The following C1QTNF3 variants were observed in gnomAD, a reference collection of about 807,000 sequenced individuals.
C1QTNF3 encodes complement C1q tumor necrosis factor-related protein 3.
A neutral mutation model predicts 32.6 loss-of-function variants in C1QTNF3; 26 were observed. The ratio of observed to expected loss-of-function variants is 0.80; its 90% CI spans 0.58 to 1.11. The LOEUF is 1.11. Among genes scored for constraint, C1QTNF3 ranks in the 50% least tolerant of loss-of-function variants. The pLI is 0.00. For synonymous variants in C1QTNF3, 155 were observed against 146.0 expected, an observed-to-expected ratio of 1.06 and a Z score of -0.44; for missense variants, 362 against 398.2, an observed-to-expected ratio of 0.91 and a Z score of 0.77.
At chr5:34,129,645 C>A in the C1QTNF3 span, among the ~76,000 whole-genome samples, 2 of 151,938 alleles carry the variant, frequency 1.3e-5, no homozygotes, top group African/African-American at 4.8e-5. Flanking sequence ...TATACAGATA[C>A]CTATAATATA....
chr5:34,146,033 A>C, the C1QTNF3 span, among the ~76,000 whole-genome samples: 2 of 152,240 alleles, frequency 1.3e-5, no homozygotes, highest in African/African-American at 4.8e-5. Context: ...ATCTATGGTA[A>C]ACTCACAGCC....
chr5:34,053,521 C>A, the C1QTNF3 span, among the ~76,000 whole-genome samples: 1 of 152,198 alleles, frequency 6.6e-6, no homozygotes, highest in East Asian at 1.9e-4. Flanking sequence ...AATGCTCATG[C>A]TCCATAACTG....
At chr5:34,178,158 G>A in the C1QTNF3 span, among the ~76,000 whole-genome samples, 5 of 146,498 alleles carry the variant, frequency 3.4e-5, no homozygotes, top group Non-Finnish European at 7.5e-5. Flanking sequence ...GTGCATGCCT[G>A]TAATCCAAGC....
chr5:34,202,800 T>A, the C1QTNF3 span, among the ~76,000 whole-genome samples: 4 of 152,174 alleles, frequency 2.6e-5, no homozygotes, highest in Non-Finnish European at 5.9e-5. Context: ...ATACAGTTTT[T>A]TGTTTTTTTT....
the C1QTNF3 span, among the ~76,000 whole-genome samples, chr5:34,141,737 C>A: frequency 6.6e-6 from 1 of 152,178 alleles, no homozygotes; most frequent in Non-Finnish European, 1.5e-5. Flanking sequence ...GGACATATAA[C>A]AAAGAGGGTG....
At chr5:34,233,736 A>G in the C1QTNF3 span, among the ~76,000 whole-genome samples, 2 of 151,972 alleles carry the variant, frequency 1.3e-5, no homozygotes, top group East Asian at 1.9e-4. Context: ...TTTGTTTTGT[A>G]AACCATTATT....
chr5:34,174,148 C>A, the C1QTNF3 span, among the ~76,000 whole-genome samples: 1 of 152,226 alleles, frequency 6.6e-6, no homozygotes, highest in Non-Finnish European at 1.5e-5. Flanking sequence ...GCCTCCGCCT[C>A]CGAGGTTTAA....
the C1QTNF3 span, among the ~76,000 whole-genome samples, chr5:34,132,406 A>AAAAT: frequency 6.3e-5 from 9 of 143,490 alleles, no homozygotes; most frequent in Non-Finnish European, 1.2e-4. Flanking sequence ...CAACAACAAA[A>AAAAT]ATATATATAT....
chr5:34,220,431 CAA>C, the C1QTNF3 span, among the ~76,000 whole-genome samples: 1 of 151,702 alleles, frequency 6.6e-6, no homozygotes, highest in Admixed American at 6.6e-5. Context: ...CAGACAAACC[CAA>C]GTCTTCCAAG....
At chr5:34,053,746 A>G in the C1QTNF3 span, among the ~76,000 whole-genome samples, 1 of 152,226 alleles carries the variant, frequency 6.6e-6, no homozygotes, top group South Asian at 2.1e-4. Context: ...AAATAGAAGT[A>G]ACATGCCCAA....
chr5:34,125,822 A>T, the C1QTNF3 span, among the ~76,000 whole-genome samples: 3 of 152,206 alleles, frequency 2.0e-5, no homozygotes, highest in African/African-American at 7.2e-5. Context: ...TGGTAAACAC[A>T]ATATTTGTTG....
intron 1 of C1QTNF3, among the ~76,000 whole-genome samples, chr5:34,036,496 A>C (rs1232202946): frequency 6.6e-6 from 1 of 152,214 alleles, no homozygotes; most frequent in African/African-American, 2.4e-5. Flanking sequence ...TAGAGAGAGC[A>C]CTTAAAATCT....
At chr5:34,092,162 A>G in the C1QTNF3 span, among the ~76,000 whole-genome samples, 1 of 152,050 alleles carries the variant, frequency 6.6e-6, no homozygotes, top group Admixed American at 6.6e-5. Flanking sequence ...TCTTATAGAT[A>G]TATTATTGTT....
At chr5:34,107,978 T>G in the C1QTNF3 span, among the ~76,000 whole-genome samples, 7 of 152,040 alleles carry the variant, frequency 4.6e-5, no homozygotes, top group African/African-American at 9.7e-5. Context: ...GCTTCTGCTG[T>G]TCTTCTTTCC....
chr5:34,197,128 A>G, the C1QTNF3 span, among the ~76,000 whole-genome samples: 18 of 152,416 alleles, frequency 1.2e-4, no homozygotes, highest in South Asian at 3.5e-3. Context: ...TAAGTTAAGT[A>G]AAACGTTCTT....
At chr5:34,122,361 C>T in the C1QTNF3 span, among the ~76,000 whole-genome samples, 1 of 152,216 alleles carries the variant, frequency 6.6e-6, no homozygotes, top group African/African-American at 2.4e-5. Context: ...AAAGGTCACA[C>T]TGATGAAGTT....
chr5:34,023,555 C>T (rs1006574703), intron 5 of C1QTNF3, among the ~76,000 whole-genome samples: 3 of 152,110 alleles, frequency 2.0e-5, no homozygotes, highest in African/African-American at 7.2e-5. Context: ...TGCCTCTTTG[C>T]CACATTCCAA....
the C1QTNF3 span, among the ~76,000 whole-genome samples, chr5:34,133,604 T>C: frequency 2.6e-5 from 4 of 152,220 alleles, no homozygotes; most frequent in Non-Finnish European, 5.9e-5. Flanking sequence ...ATTTAGTGTC[T>C]AGTTACTAAA....
chr5:34,169,019 A>G, the C1QTNF3 span: 1 of 152,130 alleles, frequency 6.6e-6, no homozygotes, highest in Non-Finnish European at 1.5e-5. Flanking sequence ...TTTGGTCCCT[A>G]TTCCCACCTT....
Sources: allele counts gnomAD v4.1 joint callset (sites outside exome capture counted in the v4.1 genomes callset), GRCh38; gene constraint gnomAD v4.1.1; transcripts MANE v1.5; gene names NCBI Gene and HGNC (gene_info 2026-07-23, HGNC 2026-07-21).